DLGAP2: variants seen among roughly 807,000 people sequenced by gnomAD.
DLGAP2 encodes the protein disks large-associated protein 2.
DLGAP2 carries 26 observed loss-of-function variants against 100.3 expected under a neutral mutation model. The observed-to-expected ratio is 0.26, with a 90% CI of 0.19 to 0.36. The LOEUF (loss-of-function observed/expected upper bound fraction) is 0.36, where lower values mean the gene tolerates loss of function less well. DLGAP2 is among the 10% of genes least tolerant of loss of function. DLGAP2 has a pLI of 1.00. For missense variants in DLGAP2, 1,858 were observed against 1,453.2 expected, an observed-to-expected ratio of 1.28 and a Z score of -4.53; for synonymous variants, 886 against 630.1, an observed-to-expected ratio of 1.41 and a Z score of -6.08.
chr8:1,409,806 C>T (rs2129873395), intron 3 of DLGAP2, among the ~76,000 whole-genome samples: 1 of 152,320 alleles, frequency 6.6e-6, no homozygotes, highest in South Asian at 2.1e-4. Context: ...TCCTGCCCTC[C>T]ACCAGAGCCC....
chr8:879,481 A>T (rs1797744808), intron 1 of DLGAP2, among the ~76,000 whole-genome samples: 1 of 152,170 alleles, frequency 6.6e-6, no homozygotes, highest in Non-Finnish European at 1.5e-5. Flanking sequence ...TGTCCTGTGA[A>T]GGCATCTTTC....
In DLGAP2 at chr8:1,170,279, T is replaced by G. The variant is rs1359336734; in HGVS notation, c.74-88572T>G. ...GCTTTTTGATGTGCTGCTGGATTCG[T>G]TTTGCCAGTATTTTATTGAGGATTT... is the stretch of plus-strand genomic sequence containing the variant. On this transcript the variant is annotated intron_variant, in intron 2 of 14. Transcript: ENST00000637795. Among the ~76,000 whole-genome samples, 279 of 151,944 alleles carry G rather than the reference T, an allele frequency of 1.8e-3. 2 individuals carry two copies. Among genetic ancestry groups the G allele is most frequent in the African/African-American group, 5.1e-3 (213 of 41,430 alleles).
chr8:1,333,560 C>G (rs911447537), intron 3 of DLGAP2, among the ~76,000 whole-genome samples: 3 of 152,120 alleles, frequency 2.0e-5, no homozygotes, highest in Non-Finnish European at 2.9e-5. Flanking sequence ...TTTGTTCATC[C>G]GGACACCTCC....
chr8:1,430,150 G>A (rs1452112941), intron 3 of DLGAP2, among the ~76,000 whole-genome samples: 1 of 150,052 alleles, frequency 6.7e-6, no homozygotes, highest in African/African-American at 2.5e-5. Flanking sequence ...TCCTTAGGAG[G>A]TTTCAGCACT....
At chr8:1,688,001 G>A (rs1345409203) in intron 12 of DLGAP2, among the ~76,000 whole-genome samples, 1 of 152,088 alleles carries the variant, frequency 6.6e-6, no homozygotes, top group Non-Finnish European at 1.5e-5. Flanking sequence ...CGAGTCCAGG[G>A]CTGCAGAACA....
At chr8:782,010 C>A (rs1821701970) in intron 1 of DLGAP2, among the ~76,000 whole-genome samples, 1 of 151,992 alleles carries the variant, frequency 6.6e-6, no homozygotes, top group Non-Finnish European at 1.5e-5. Flanking sequence ...GTTCAATCAA[C>A]CAGCAGGATG....
intron 1 of DLGAP2, among the ~76,000 whole-genome samples, chr8:841,321 T>A (rs1796980054): frequency 6.6e-6 from 1 of 152,212 alleles, no homozygotes; most frequent in Non-Finnish European, 1.5e-5. Flanking sequence ...ATCCTGACGC[T>A]CACACTTGTC....
At chr8:1,104,334 A>G (rs1053443004) in intron 2 of DLGAP2, among the ~76,000 whole-genome samples, 1 of 152,062 alleles carries the variant, frequency 6.6e-6, no homozygotes, top group African/African-American at 2.4e-5. Flanking sequence ...ATGTTACATC[A>G]CCAAATAGTG....
intron 1 of DLGAP2, among the ~76,000 whole-genome samples, chr8:776,271 A>G (rs1461318856): frequency 2.0e-5 from 3 of 151,816 alleles, no homozygotes; most frequent in Non-Finnish European, 2.9e-5. Flanking sequence ...CTAGCGGTCT[A>G]TCAATTTTGT....
rs1275700563 is a variant in DLGAP2, at chr8:1,430,462, AGCT to A, written c.107-70902_107-70900del. ...AAATCACATTAGGCAAAGGACTTTA[AGCT>A]GGTCTTCTAGCAGAAGAAGCCTGGA... On this transcript the variant is annotated intron_variant, in intron 3 of 14. Coordinates refer to ENST00000637795, the MANE Select transcript of DLGAP2 (RefSeq NM_001346810.2). Among the ~76,000 whole-genome samples, 6 of 152,322 alleles carry A rather than the reference AGCT, an allele frequency of 3.9e-5. No individual in the cohort carries two copies. The East Asian group carries it at 9.7e-4, about 25-fold the overall frequency.
chr8:1,290,147 C>T (rs547908265), intron 3 of DLGAP2, among the ~76,000 whole-genome samples: 41 of 152,272 alleles, frequency 2.7e-4, no homozygotes, highest in African/African-American at 9.1e-4. Flanking sequence ...TATTACATAA[C>T]GTGTGACATG....
chr8:1,554,827 G>T (rs1206544217), intron 5 of DLGAP2, among the ~76,000 whole-genome samples: 1 of 151,260 alleles, frequency 6.6e-6, no homozygotes, highest in Non-Finnish European at 1.5e-5. Context: ...CAGGAAGGCT[G>T]GCGTTGTGGC....
At chr8:1,582,842 C>G (rs1242463325) in intron 6 of DLGAP2, among the ~76,000 whole-genome samples, 1 of 152,168 alleles carries the variant, frequency 6.6e-6, no homozygotes, top group Non-Finnish European at 1.5e-5. Context: ...AAATGGCCCA[C>G]CCTCCTCGGC....
At chr8:909,374 A>G (rs1440226044) in intron 2 of DLGAP2, among the ~76,000 whole-genome samples, 5 of 152,236 alleles carry the variant, frequency 3.3e-5, no homozygotes, top group Non-Finnish European at 7.3e-5. Context: ...TCTAAGAAAC[A>G]TCAGGAATAA....
At chr8:1,325,684 C>T (rs555579954) in intron 3 of DLGAP2, among the ~76,000 whole-genome samples, 5 of 152,334 alleles carry the variant, frequency 3.3e-5, no homozygotes, top group African/African-American at 9.6e-5. Context: ...CTCATTATTC[C>T]TCTCGCGTGT....
At chr8:1,136,448 A>C (rs532721557) in intron 2 of DLGAP2, among the ~76,000 whole-genome samples, 1 of 152,302 alleles carries the variant, frequency 6.6e-6, no homozygotes, top group African/African-American at 2.4e-5. Context: ...CTGGCTCCCC[A>C]TACAGGCCGG....
intron 3 of DLGAP2, among the ~76,000 whole-genome samples, chr8:1,355,164 G>T (rs7003758): frequency 6.6e-6 from 1 of 152,252 alleles, no homozygotes; most frequent in African/African-American, 2.4e-5. Context: ...AGAAAGCACC[G>T]TGAAAGCGGT....
intron 3 of DLGAP2, among the ~76,000 whole-genome samples, chr8:1,479,223 T>A (rs550211650): frequency 1.3e-5 from 2 of 152,296 alleles, no homozygotes; most frequent in African/African-American, 2.4e-5. Context: ...ATGCTCCTTT[T>A]CAAAAACTGC....
At chr8:1,169,243 C>G (rs557292450) in intron 2 of DLGAP2, among the ~76,000 whole-genome samples, 81 of 152,250 alleles carry the variant, frequency 5.3e-4, no homozygotes, top group African/African-American at 1.9e-3. Context: ...TGATCTATAT[C>G]TCTGTTTTGG....
Sources: gnomAD v4.1 joint callset for allele counts (sites outside exome capture counted in the v4.1 genomes callset) on GRCh38, gnomAD v4.1.1 for gene constraint, MANE v1.5 for transcripts, NCBI Gene and HGNC (gene_info 2026-07-23, HGNC 2026-07-21) for gene names.